Variants in CRIM1 observed in about 807,000 individuals in gnomAD.
CRIM1 encodes the protein cysteine rich transmembrane BMP regulator 1.
In CRIM1, 32 loss-of-function variants were observed where a neutral mutation model predicts 116.4. The observed-to-expected ratio is 0.27, with a 90% CI of 0.21 to 0.37. The LOEUF (loss-of-function observed/expected upper bound fraction) is 0.37, where lower values mean the gene tolerates loss of function less well. CRIM1 is among the 10% of genes least tolerant of loss of function. The pLI is 1.00. For missense variants in CRIM1, 1,331 were observed against 1,354.8 expected (o/e 0.98, Z 0.28); for synonymous variants, 590 against 509.2 (o/e 1.16, Z -2.13).
At chr2:36,477,166 A>G (rs1679050679) in intron 6 of CRIM1, 95 bp downstream of exon 6, 1 of 1,035,494 alleles carries the variant, frequency 9.7e-7, no homozygotes, top group Non-Finnish European at 1.4e-6. Context: ...CCAAAAGTAA[A>G]GGAATATTGA....
chr2:36,370,786 T>C (rs1187581453), intron 1 of CRIM1, among the ~76,000 whole-genome samples: 2 of 152,150 alleles, frequency 1.3e-5, no homozygotes, highest in East Asian at 3.9e-4. Context: ...AGTGAACTTT[T>C]TTTCTTTAGA....
chr2:36,549,583 T>G lies in CRIM1; in HGVS notation c.*882T>G, dbSNP rs929834878. The G allele has an allele frequency of 6.6e-6, 1 of 152,536 alleles. No homozygotes were observed. The highest frequency in any genetic ancestry group is 2.4e-5 in the African/African-American group (1 of 41,434). 9.4% of individuals were successfully genotyped at this position (152,536 alleles called of 1,614,324 possible). Reference sequence around the variant, plus strand: ...TTGTTGCTTTGTTCTGTTATATTGTTGGTTGTTCATAGTTTTTGTTGAAGC... The same window carrying G: ...TTGTTGCTTTGTTCTGTTATATTGTGGGTTGTTCATAGTTTTTGTTGAAGC... On this transcript the variant is annotated 3_prime_UTR_variant, in exon 17 of 17. Transcript: ENST00000280527.
At chr2:36,363,449 C>T (rs1445452851) in intron 1 of CRIM1, among the ~76,000 whole-genome samples, 1 of 150,510 alleles carries the variant, frequency 6.6e-6, no homozygotes, top group African/African-American at 2.4e-5. Flanking sequence ...CCATCTACCT[C>T]AGTCATTGAT....
chr2:36,371,345 C>T (rs544357428), intron 1 of CRIM1, among the ~76,000 whole-genome samples: 10 of 152,218 alleles, frequency 6.6e-5, no homozygotes, highest in African/African-American at 2.4e-4. Context: ...ACATTTCTGT[C>T]TCTCTGCCTC....
At chr2:36,491,931 G>A (rs1302552227) in intron 7 of CRIM1, among the ~76,000 whole-genome samples, 1 of 152,056 alleles carries the variant, frequency 6.6e-6, no homozygotes, top group Non-Finnish European at 1.5e-5. Context: ...AAAAGATCTA[G>A]ATTCTTAGAA....
chr2:36,372,609 A>G (rs981553163), intron 1 of CRIM1, among the ~76,000 whole-genome samples: 2 of 152,220 alleles, frequency 1.3e-5, no homozygotes, highest in African/African-American at 4.8e-5. Flanking sequence ...AAGTTCAGGT[A>G]CCTGTGCCAT....
At chr2:36,484,380 T>A (rs531798593) in intron 7 of CRIM1, among the ~76,000 whole-genome samples, 34 of 152,350 alleles carry the variant, frequency 2.2e-4, no homozygotes, top group South Asian at 6.2e-4. Flanking sequence ...CAAAGCTGAT[T>A]CTTAATGTCA....
intron 2 of CRIM1, among the ~76,000 whole-genome samples, chr2:36,413,723 T>C (rs1043565107): frequency 1.1e-4 from 16 of 152,224 alleles, no homozygotes; most frequent in African/African-American, 3.4e-4. Flanking sequence ...AATTCTTTCA[T>C]CTTTGCAGTT....
intron 2 of CRIM1, among the ~76,000 whole-genome samples, chr2:36,440,328 C>A (rs1675707884): frequency 6.6e-6 from 1 of 152,178 alleles, no homozygotes; most frequent in African/African-American, 2.4e-5. Context: ...GGAAACATTG[C>A]CTGGTACTAA....
chr2:36,365,736 G>GTTT (rs756853852), intron 1 of CRIM1, among the ~76,000 whole-genome samples: 22,068 of 137,404 alleles, frequency 0.16, 1,960 homozygotes, highest in Non-Finnish European at 0.19. Flanking sequence ...CTATGTTTGT[G>GTTT]TTTTTTTTTT....
At chr2:36,547,976 C>G (rs1253784214) in intron 16 of CRIM1, among the ~76,000 whole-genome samples, 1 of 152,184 alleles carries the variant, frequency 6.6e-6, no homozygotes, top group Non-Finnish European at 1.5e-5. Context: ...AAAATTCTGT[C>G]CTGCGGTTAT....
intron 4 of CRIM1, among the ~76,000 whole-genome samples, chr2:36,458,541 T>C (rs1346710223): frequency 1.3e-5 from 2 of 152,166 alleles, no homozygotes. Flanking sequence ...CCGGCCTTGC[T>C]TAGAGTTCTT....
intron 1 of CRIM1, among the ~76,000 whole-genome samples, chr2:36,388,353 C>A (rs993196507): frequency 2.6e-5 from 4 of 152,126 alleles, no homozygotes; most frequent in African/African-American, 7.2e-5. Flanking sequence ...AAAACAAAGT[C>A]TAATTGGTCT....
intron 15 of CRIM1, among the ~76,000 whole-genome samples, chr2:36,546,645 T>G (rs377094527): frequency 6.6e-6 from 1 of 152,034 alleles, no homozygotes; most frequent in African/African-American, 2.4e-5. Context: ...ATGTTAACAG[T>G]AATCAAAATA....
At chr2:36,366,674 C>T (rs957389422) in intron 1 of CRIM1, among the ~76,000 whole-genome samples, 2 of 152,136 alleles carry the variant, frequency 1.3e-5, no homozygotes, top group Non-Finnish European at 2.9e-5. Context: ...TCTGGCAGGG[C>T]AGAATGAAAC....
chr2:36,364,965 C>G (rs1404168829), intron 1 of CRIM1, among the ~76,000 whole-genome samples: 1 of 152,110 alleles, frequency 6.6e-6, no homozygotes, highest in Admixed American at 6.5e-5. Context: ...TTAGCTTTCT[C>G]TGTAAGTTTA....
At chr2:36,426,420 G>T (rs1674454369) in intron 2 of CRIM1, among the ~76,000 whole-genome samples, 1 of 152,290 alleles carries the variant, frequency 6.6e-6, no homozygotes, top group Non-Finnish European at 1.5e-5. Flanking sequence ...TCCCTAGCAT[G>T]TATCAATAGC....
chr2:36,476,349 G>A (rs1426145900), intron 5 of CRIM1, among the ~76,000 whole-genome samples: 1 of 151,924 alleles, frequency 6.6e-6, no homozygotes, highest in Non-Finnish European at 1.5e-5. Context: ...GATTAAGTGA[G>A]GTGATACATA....
chr2:36,478,376 T>C (rs1679149195), intron 6 of CRIM1, among the ~76,000 whole-genome samples: 1 of 152,204 alleles, frequency 6.6e-6, no homozygotes, highest in Admixed American at 6.5e-5. Flanking sequence ...GTTGATGCTG[T>C]AAAAATGTAG....
Sources: gnomAD v4.1 joint callset for allele counts (sites outside exome capture counted in the v4.1 genomes callset) on GRCh38, gnomAD v4.1.1 for gene constraint, MANE v1.5 for transcripts, NCBI Gene and HGNC (gene_info 2026-07-23, HGNC 2026-07-21) for gene names.